UTP18: variants seen among roughly 807,000 people sequenced by gnomAD.
UTP18 encodes the protein U3 small nucleolar RNA-associated protein 18 homolog.
In UTP18, 36 loss-of-function variants were observed where a neutral mutation model predicts 61.1. That is an observed-to-expected ratio of 0.59 (90% CI 0.45 to 0.78). UTP18 has a LOEUF of 0.78. UTP18 is among the 30% of genes least tolerant of loss of function. The probability of loss-of-function intolerance (pLI) is 0.00; values close to 1 mark genes in which losing one functional copy is unlikely to be tolerated. For synonymous variants in UTP18, 282 were observed against 251.1 expected (o/e 1.12, Z -1.16); for missense variants, 753 against 693.9 (o/e 1.09, Z -0.96).
chr17:51,279,293 C>G (rs1452954603), intron 7 of UTP18, among the ~76,000 whole-genome samples: 1 of 152,092 alleles, frequency 6.6e-6, no homozygotes, highest in South Asian at 2.1e-4. Context: ...TAACTTGGCT[C>G]TCTAAGCATT....
In UTP18 at chr17:51,278,091, A is replaced by G. The variant is rs185748295; in HGVS notation, c.1012+787A>G. On this transcript the variant is annotated intron_variant, in intron 7 of 13. Transcript: ENST00000225298. ...AGTGGATGGGGCCAACTTTAGAAAC[A>G]TTTATGATGTTTATCTTTAGCATTT... Among the ~76,000 whole-genome samples the G allele has an allele frequency of 2.1e-3, 325 of 152,278 alleles. 1 individual carries two copies. The highest frequency in any genetic ancestry group is 7.6e-3 in the African/African-American group (315 of 41,558).
Position 51,266,208 on chromosome 17 carries a change from G to T in UTP18, c.482G>T (p.Arg161Leu). 6.3e-7 allele frequency: 1 copy of T among 1,597,578 alleles called. No individual in the cohort carries two copies. Among genetic ancestry groups the T allele is most frequent in the South Asian group, 1.1e-5 (1 of 87,658 alleles). ...EMVDMMNNRF[R>L]KDMMKNASES... Reference sequence around the variant, plus strand: ...GTTGACATGATGAACAATCGGTTTCGGAAGGATATGATGAAAAATGCTAGT... The same window carrying T: ...GTTGACATGATGAACAATCGGTTTCTGAAGGATATGATGAAAAATGCTAGT... The change falls in exon 3 of 14, where the codon CGG (arginine) becomes CTG (leucine). Residue 161 changes from arginine to leucine, a missense_variant. Arg to Leu is a moderately radical substitution (Grantham distance 102). Transcript: ENST00000225298.
chr17:51,267,687 C>T (rs1904346380), intron 3 of UTP18, among the ~76,000 whole-genome samples: 1 of 152,034 alleles, frequency 6.6e-6, no homozygotes, highest in South Asian at 2.1e-4. Flanking sequence ...CCAGACACTG[C>T]CCCTCAAAGT....
chr17:51,291,458 A>G (rs1169656924), intron 11 of UTP18, among the ~76,000 whole-genome samples: 1 of 152,024 alleles, frequency 6.6e-6, no homozygotes, highest in Non-Finnish European at 1.5e-5. Context: ...AAAATAGGTC[A>G]GGTGCAGTGG....
chr17:51,264,970 A>T lies in UTP18; in HGVS notation c.456-1212A>T, dbSNP rs953053454. ...AGTGCTGGGGTTACAGACATGAGCA[A>T]CCACACCTGGCCTCGTTTCTTATAA... On this transcript the variant is annotated intron_variant, in intron 2 of 13. Coordinates refer to ENST00000225298, the MANE Select transcript of UTP18 (RefSeq NM_016001.3). 3.3e-5 allele frequency among the ~76,000 whole-genome samples: 5 copies of T among 152,194 alleles called. No individual in the cohort carries two copies. In the East Asian group the frequency reaches 5.8e-4, roughly 18 times the overall value.
chr17:51,295,229 T>G (rs1331311598), intron 12 of UTP18, among the ~76,000 whole-genome samples: 1 of 152,142 alleles, frequency 6.6e-6, no homozygotes, highest in African/African-American at 2.4e-5. Flanking sequence ...CAATTTTGGC[T>G]TTTGTTGCCA....
chr17:51,265,093 A>T (rs951004531), intron 2 of UTP18, among the ~76,000 whole-genome samples: 1 of 152,024 alleles, frequency 6.6e-6, no homozygotes, highest in Non-Finnish European at 1.5e-5. Context: ...TATATGTTAG[A>T]TTTATTGTAG....
At position 51,279,140 on chromosome 17, in the gene UTP18, C is replaced by T. The variant is rs115881342; in HGVS notation, c.1013-865C>T. 5.1e-3 allele frequency among the ~76,000 whole-genome samples: 777 copies of T among 152,156 alleles called. 8 individuals carry two copies. Among genetic ancestry groups the T allele is most frequent in the African/African-American group, 0.017 (698 of 41,516 alleles). ...TTTTTGACTAGGCAATATATTCACA[C>T]GGTGTTAAAAATCTACTATGTAGAA... is the stretch of plus-strand genomic sequence containing the variant. On this transcript the variant is annotated intron_variant, in intron 7 of 13. Coordinates refer to ENST00000225298, the MANE Select transcript of UTP18 (RefSeq NM_016001.3).
intron 11 of UTP18, among the ~76,000 whole-genome samples, chr17:51,291,415 G>GAT (rs1334932250): frequency 6.6e-6 from 1 of 151,934 alleles, no homozygotes; most frequent in Non-Finnish European, 1.5e-5. Flanking sequence ...TCCTTTTCCC[G>GAT]ATATTCCAAG....
chr17:51,271,729 A>G (rs969850096), intron 4 of UTP18, among the ~76,000 whole-genome samples: 1 of 150,376 alleles, frequency 6.6e-6, no homozygotes, highest in East Asian at 2.0e-4. Context: ...GTGCAGTGGC[A>G]CTACCTCCAC....
Position 51,273,601 on chromosome 17 carries a change from T to C in UTP18, c.711+151T>C, listed in dbSNP as rs548715412. On this transcript the variant is annotated intron_variant, in intron 5 of 13. Coordinates refer to ENST00000225298, the MANE Select transcript of UTP18 (RefSeq NM_016001.3). ...CCTGGTAAATACTTATGTTATTGTT[T>C]TTTTTTTTTCCTTTTGCAAAAAATG... The C allele has an allele frequency of 2.6e-4, 138 of 521,092 alleles. 1 individual carries two copies. The highest frequency in any genetic ancestry group is 2.4e-3 in the African/African-American group (123 of 51,544). 32.3% of individuals were successfully genotyped at this position (521,092 alleles called of 1,614,324 possible).
intron 10 of UTP18, 50 bp downstream of exon 10, chr17:51,285,418 A>C: frequency 6.3e-7 from 1 of 1,588,664 alleles, no homozygotes; most frequent in Non-Finnish European, 8.6e-7. Flanking sequence ...GCTAATGAGA[A>C]TATGTTGAGG....
intron 7 of UTP18, 49 bp downstream of exon 7, chr17:51,277,353 G>C: frequency 6.3e-7 from 1 of 1,596,088 alleles, no homozygotes; most frequent in Non-Finnish European, 8.6e-7. Context: ...CCCAAGGTGA[G>C]TTTATGTAAC....
intron 4 of UTP18, among the ~76,000 whole-genome samples, chr17:51,269,481 A>G (rs1008328265): frequency 6.6e-6 from 1 of 151,990 alleles, no homozygotes; most frequent in Non-Finnish European, 1.5e-5. Flanking sequence ...TTAGACTTGG[A>G]ATTAACCTTT....
intron 1 of UTP18, among the ~76,000 whole-genome samples, chr17:51,262,233 C>T (rs1477124497): frequency 6.6e-6 from 1 of 152,012 alleles, no homozygotes; most frequent in Non-Finnish European, 1.5e-5. Flanking sequence ...AGGCGTGCGC[C>T]ACCACGCCTG....
At chr17:51,266,084 A>G (rs939622588) in intron 2 of UTP18, 98 bp from the exon 3 acceptor site, 3 of 874,808 alleles carry the variant, frequency 3.4e-6, no homozygotes, top group Non-Finnish European at 4.9e-6. Context: ...CTTGACCTAT[A>G]TTGTTTCATT....
chr17:51,270,563 G>T lies in UTP18; in HGVS notation c.622+1659G>T, dbSNP rs76779333. Among the ~76,000 whole-genome samples, 520 of 152,280 alleles carry T rather than the reference G, an allele frequency of 3.4e-3. 4 individuals carry two copies. The highest frequency in any genetic ancestry group is 5.0e-3 in the Non-Finnish European group (338 of 68,022). On this transcript the variant is annotated intron_variant, in intron 4 of 13. Transcript: ENST00000225298. ...TTGGTTTTTTCAGCACATAAAATTG[G>T]GGTGGTAGGAAGGTGATGGTTTACT...
At chr17:51,284,298 C>G (rs1034802482) in intron 9 of UTP18, among the ~76,000 whole-genome samples, 1 of 151,786 alleles carries the variant, frequency 6.6e-6, no homozygotes, top group Non-Finnish European at 1.5e-5. Context: ...AAAAGGAAGA[C>G]GTAAAATAGT....
In UTP18 at chr17:51,297,773, T is replaced by C. The variant is rs1308803915; in HGVS notation, c.*15-9T>C. 2.3e-6 allele frequency: 1 copy of C among 431,298 alleles called. No homozygotes were observed. The highest frequency in any genetic ancestry group is 1.7e-5 in the South Asian group (1 of 59,138). The allele number at this position is 431,298 out of a possible 1,614,324, so 26.7% of individuals were successfully genotyped here. Reference sequence around the variant, plus strand: ...ATCAGGTATGTAATTTCTTTTGTTCTTTCCTCAGGTCCAGTTGAGTCACAA... The same window carrying C: ...ATCAGGTATGTAATTTCTTTTGTTCCTTCCTCAGGTCCAGTTGAGTCACAA... On this transcript the variant is annotated splice_polypyrimidine_tract_variant and intron_variant, in intron 13 of 13. Transcript: ENST00000225298.
Sources: allele counts gnomAD v4.1 joint callset (sites outside exome capture counted in the v4.1 genomes callset), GRCh38; gene constraint gnomAD v4.1.1; transcripts MANE v1.5; gene names NCBI Gene and HGNC (gene_info 2026-07-23, HGNC 2026-07-21).